The following KRTAP24-1 variants were observed in gnomAD, a reference collection of about 807,000 sequenced individuals.
KRTAP24-1 encodes keratin associated protein 24-1.
For missense variants in KRTAP24-1, 344 were observed against 303.2 expected (o/e 1.13, Z -1.00); for synonymous variants, 133 against 116.3 (o/e 1.14, Z -0.92).
Position 30,282,580 on chromosome 21 carries a change from C to T in KRTAP24-1, c.353G>A (p.Cys118Tyr), listed in dbSNP as rs1181948372. Reference protein sequence around the residue: ...ETTNVSPSPSCSPSTQTNGYV... With the variant: ...ETTNVSPSPSYSPSTQTNGYV... The stretch of plus-strand genomic sequence containing the variant: ...CCCATTGGTCTGGGTGCTTGGGCTG[C>T]AGCTGGGGCTGGGGCTGACGTTGGT... The change falls in exon 1 of 1, where the codon TGC becomes TAC. Residue 118 changes from cysteine to tyrosine, a missense_variant. Transcript: ENST00000340345. The T allele has an allele frequency of 6.3e-7, 1 of 1,593,530 alleles. No individual in the cohort carries two copies.
chr21:30,282,765 C>G lies in KRTAP24-1; in HGVS notation c.168G>C (p.Trp56Cys), dbSNP rs1383141211. 1 of 1,614,036 alleles carries G rather than the reference C, an allele frequency of 6.2e-7. No individual in the cohort carries two copies. The highest frequency in any genetic ancestry group is 1.1e-5 in the South Asian group (1 of 91,078). The change falls in exon 1 of 1, where the codon TGG becomes TGC. Residue 56 changes from tryptophan (W) to cysteine (C), a missense_variant. Coordinates refer to ENST00000340345, the MANE Select transcript of KRTAP24-1 (RefSeq NM_001085455.3). Reference protein sequence around the residue: ...CLPSSYQGNLWLLDYCQESYG... With the variant: ...CLPSSYQGNLCLLDYCQESYG... Reference sequence around the variant, plus strand: ...AGGATTCTTGGCAGTAATCCAGGAGCCAGAGATTTCCTTGGTAGCTACTGG... The same window carrying G: ...AGGATTCTTGGCAGTAATCCAGGAGGCAGAGATTTCCTTGGTAGCTACTGG...
chr21:30,282,944 G>T lies in KRTAP24-1; in HGVS notation c.-12C>A, dbSNP rs370788106. ...GAGCCTGCAGGCATGCTCAGTGGTC[G>T]CTGTGCAGTGTGTCTGTGGCCTAAG... On this transcript the variant is annotated 5_prime_UTR_variant, in exon 1 of 1. Coordinates refer to ENST00000340345, the MANE Select transcript of KRTAP24-1 (RefSeq NM_001085455.3). The T allele has an allele frequency of 1.3e-6, 2 of 1,595,222 alleles. No individual in the cohort carries two copies. The highest frequency in any genetic ancestry group is 8.5e-7 in the Non-Finnish European group (1 of 1,170,280).
In KRTAP24-1 at chr21:30,282,571, C is replaced by T. The variant is rs370290084; in HGVS notation, c.362G>A (p.Ser121Asn). The change falls in exon 1 of 1, where the codon AGC becomes AAC. Residue 121 changes from serine to asparagine, a missense_variant. Transcript: ENST00000340345. Reference protein sequence around the residue: ...NVSPSPSCSPSTQTNGYVCNC... With the variant: ...NVSPSPSCSPNTQTNGYVCNC... Reference sequence around the variant, plus strand: ...GCATACATACCCATTGGTCTGGGTGCTTGGGCTGCAGCTGGGGCTGGGGCT... The same window carrying T: ...GCATACATACCCATTGGTCTGGGTGTTTGGGCTGCAGCTGGGGCTGGGGCT... 6.3e-7 allele frequency: 1 copy of T among 1,596,654 alleles called. No homozygotes were observed. Among genetic ancestry groups the T allele is most frequent in the Non-Finnish European group, 8.5e-7 (1 of 1,171,278 alleles).
At position 30,282,392 on chromosome 21, in the gene KRTAP24-1, G is replaced by C. The variant is rs1184497452; in HGVS notation, c.541C>G (p.Pro181Ala). ...STLGYKSYQNPCFIPSYVSPL... is the reference protein window; with the variant it reads ...STLGYKSYQNACFIPSYVSPL... Reference sequence around the variant, plus strand: ...GAGACGTAGCTGGGTATGAAGCAAGGATTTTGGTAGCTTTTATACCCCAAA... The same window carrying C: ...GAGACGTAGCTGGGTATGAAGCAAGCATTTTGGTAGCTTTTATACCCCAAA... Residue 181 changes from proline to alanine, a missense_variant, in exon 1 of 1, where the codon CCT (proline) becomes GCT (alanine). Pro to Ala is a conservative substitution (Grantham distance 27). Coordinates refer to ENST00000340345, the MANE Select transcript of KRTAP24-1 (RefSeq NM_001085455.3). The C allele has an allele frequency of 6.2e-7, 1 of 1,614,148 alleles. No homozygotes were observed. The highest frequency in any genetic ancestry group is 1.1e-5 in the South Asian group (1 of 91,088).
Position 30,282,599 on chromosome 21 carries a change from C to G in KRTAP24-1, c.334G>C (p.Val112Leu). Reference sequence around the variant, plus strand: ...GGGCTGCAGCTGGGGCTGGGGCTGACGTTGGTAGTTTCACAGACACTGAAG... The same window carrying G: ...GGGCTGCAGCTGGGGCTGGGGCTGAGGTTGGTAGTTTCACAGACACTGAAG... The part of the protein sequence containing the change: ...QVFSVCETTN[V>L]SPSPSCSPST... The change falls in exon 1 of 1, where the codon GTC becomes CTC. Residue 112 changes from valine to leucine, a missense_variant. Physicochemically the swap from Val to Leu is conservative, Grantham distance 32. Transcript: ENST00000340345. The G allele has an allele frequency of 5.0e-6, 8 of 1,588,650 alleles. No homozygotes were observed. Among genetic ancestry groups the G allele is most frequent in the Non-Finnish European group, 6.9e-6 (8 of 1,167,698 alleles).
chr21:30,282,309 A>G lies in KRTAP24-1; in HGVS notation c.624T>C (p.Tyr208=). The change falls in exon 1 of 1, where the codon TAT becomes TAC. Residue 208 remains tyrosine (Y), a synonymous_variant. Coordinates refer to ENST00000340345, the MANE Select transcript of KRTAP24-1 (RefSeq NM_001085455.3). ...TCGTAGGCCTGTAGCTTGAATAGTG[A>G]TAATTTCTCACTAAATAGCTTTGGG... ...CQPQSYLVRN[Y]HYSSYRPTSC... is the part of the protein sequence containing the mutation. 6.2e-7 allele frequency: 1 copy of G among 1,614,124 alleles called. No homozygotes were observed. Among genetic ancestry groups the G allele is most frequent in the Non-Finnish European group, 8.5e-7 (1 of 1,180,002 alleles).
Position 30,282,094 on chromosome 21 carries a change from A to T in KRTAP24-1, c.*74T>A. On this transcript the variant is annotated 3_prime_UTR_variant, in exon 1 of 1. Coordinates refer to ENST00000340345, the MANE Select transcript of KRTAP24-1 (RefSeq NM_001085455.3). ...GGCTGAATAAAGAGATTCAGCAGAA[A>T]ATTAGACGTTCTAGTACTTAGTAGA... The T allele has an allele frequency of 7.2e-7, 1 of 1,393,170 alleles. No individual in the cohort carries two copies. The highest frequency in any genetic ancestry group is 9.7e-7 in the Non-Finnish European group (1 of 1,031,618). The allele number at this position is 1,393,170 out of a possible 1,614,324, so 86.3% of individuals were successfully genotyped here. A position where few individuals can be genotyped will look rare whatever the true frequency, so the allele number is the denominator to read the frequency against.
chr21:30,282,106 T>C lies in KRTAP24-1; in HGVS notation c.*62A>G. The C allele has an allele frequency of 6.8e-7, 1 of 1,470,866 alleles. No homozygotes were observed. The highest frequency in any genetic ancestry group is 9.2e-7 in the Non-Finnish European group (1 of 1,088,832). 91.1% of individuals were successfully genotyped at this position (1,470,866 alleles called of 1,614,324 possible). A position where few individuals can be genotyped will look rare whatever the true frequency, so the allele number is the denominator to read the frequency against. ...AGATTCAGCAGAAAATTAGACGTTCTAGTACTTAGTAGAATCTTCCCCATT... is the reference window on the plus strand; with the variant it reads ...AGATTCAGCAGAAAATTAGACGTTCCAGTACTTAGTAGAATCTTCCCCATT... On this transcript the variant is annotated 3_prime_UTR_variant, in exon 1 of 1. Transcript: ENST00000340345.
chr21:30,282,672 G>A lies in KRTAP24-1; in HGVS notation c.261C>T (p.Asp87=), dbSNP rs759412793. The change falls in exon 1 of 1, where the codon GAC becomes GAT. Residue 87 remains aspartate, a synonymous_variant. Coordinates refer to ENST00000340345, the MANE Select transcript of KRTAP24-1 (RefSeq NM_001085455.3). ...EPKTCSTTGC[D]PSNSSVPCNS... ...TGCAGGGCACAGAGGAGTTTGACGG[G>A]TCACAACCAGTGGTACTGCAGGTCT... The A allele has an allele frequency of 6.2e-7, 1 of 1,607,432 alleles. No individual in the cohort carries two copies. The highest frequency in any genetic ancestry group is 1.3e-5 in the African/African-American group (1 of 74,846).
Position 30,282,160 on chromosome 21 carries a change from G to A in KRTAP24-1, c.*8C>T, listed in dbSNP as rs768932940. The A allele has an allele frequency of 2.5e-6, 4 of 1,599,296 alleles. No individual in the cohort carries two copies. The highest frequency in any genetic ancestry group is 1.1e-5 in the South Asian group (1 of 89,788). Reference sequence around the variant, plus strand: ...CAATTTCCAGCTGCTATAAATTCTGGAAGTTGGTCAATAGCATTTCAGAGG... The same window carrying A: ...CAATTTCCAGCTGCTATAAATTCTGAAAGTTGGTCAATAGCATTTCAGAGG... On this transcript the variant is annotated 3_prime_UTR_variant, in exon 1 of 1. Coordinates refer to ENST00000340345, the MANE Select transcript of KRTAP24-1 (RefSeq NM_001085455.3).
At position 30,282,311 on chromosome 21, in the gene KRTAP24-1, A is replaced by C. The variant is rs529683700; in HGVS notation, c.622T>G (p.Tyr208Asp). The C allele has an allele frequency of 1.2e-6, 2 of 1,613,996 alleles. No individual in the cohort carries two copies. The highest frequency in any genetic ancestry group is 1.3e-5 in the African/African-American group (1 of 75,004). ...CQPQSYLVRN[Y>D]HYSSYRPTSC... ...GTAGGCCTGTAGCTTGAATAGTGAT[A>C]ATTTCTCACTAAATAGCTTTGGGGT... is the stretch of plus-strand genomic sequence containing the variant. Residue 208 changes from tyrosine to aspartate, a missense_variant, in exon 1 of 1, where the codon TAT becomes GAT. By Grantham distance (160) the Tyr-to-Asp change is radical (BLOSUM62 -3). Coordinates refer to ENST00000340345, the MANE Select transcript of KRTAP24-1 (RefSeq NM_001085455.3).
In KRTAP24-1 at chr21:30,282,672, G is replaced by C; in HGVS notation, c.261C>G (p.Asp87Glu). 3 of 1,607,550 alleles carry C rather than the reference G, an allele frequency of 1.9e-6. No individual in the cohort carries two copies. Among genetic ancestry groups the C allele is most frequent in the Non-Finnish European group, 2.5e-6 (3 of 1,176,884 alleles). The stretch of plus-strand genomic sequence containing the variant: ...TGCAGGGCACAGAGGAGTTTGACGG[G>C]TCACAACCAGTGGTACTGCAGGTCT... The part of the protein sequence containing the change: ...EPKTCSTTGC[D>E]PSNSSVPCNS... The change falls in exon 1 of 1, where the codon GAC (aspartate) becomes GAG (glutamate). Residue 87 changes from aspartate to glutamate, a missense_variant. Coordinates refer to ENST00000340345, the MANE Select transcript of KRTAP24-1 (RefSeq NM_001085455.3).
chr21:30,281,835 A>T lies in KRTAP24-1; in HGVS notation c.*333T>A, dbSNP rs117273560. The T allele has an allele frequency of 0.015, 3,417 of 224,386 alleles. 39 individuals are homozygous for T. The highest frequency in any genetic ancestry group is 0.037 in the Admixed American group (714 of 19,464). 13.9% of individuals were successfully genotyped at this position (224,386 alleles called of 1,614,324 possible). A position where few individuals can be genotyped will look rare whatever the true frequency, so the allele number is the denominator to read the frequency against. Reference sequence around the variant, plus strand: ...AGGTAGGTGATAATCACACTGTCAGACAAGTGACAGTGACAGCCAAAGTAA... The same window carrying T: ...AGGTAGGTGATAATCACACTGTCAGTCAAGTGACAGTGACAGCCAAAGTAA... On this transcript the variant is annotated 3_prime_UTR_variant, in exon 1 of 1. Coordinates refer to ENST00000340345, the MANE Select transcript of KRTAP24-1 (RefSeq NM_001085455.3).
In KRTAP24-1 at chr21:30,282,420, A is replaced by G. The variant is rs768298190; in HGVS notation, c.513T>C (p.Ser171=). 19 of 1,614,008 alleles carry G rather than the reference A, an allele frequency of 1.2e-5. No individual in the cohort carries two copies. Among genetic ancestry groups the G allele is most frequent in the Non-Finnish European group, 1.6e-5 (19 of 1,180,026 alleles). The change falls in exon 1 of 1, where the codon AGT becomes AGC. Residue 171 remains serine (S), a synonymous_variant. Transcript: ENST00000340345. The part of the protein sequence containing the change: ...SFQTLNHCRL[S]TLGYKSYQNP... ...TTTGGTAGCTTTTATACCCCAAAGT[A>G]CTCAATCTGCAGTGGTTTAGAGTTT...
chr21:30,282,294 G>A lies in KRTAP24-1; in HGVS notation c.639C>T (p.Tyr213=), dbSNP rs752330883. 12 of 1,613,994 alleles carry A rather than the reference G, an allele frequency of 7.4e-6. No homozygotes were observed. The highest frequency in any genetic ancestry group is 1.0e-5 in the Non-Finnish European group (12 of 1,180,020). The stretch of plus-strand genomic sequence containing the variant: ...TCAGTGGTCGGCAGCTCGTAGGCCT[G>A]TAGCTTGAATAGTGATAATTTCTCA... ...YLVRNYHYSS[Y]RPTSCRPLSY... Residue 213 remains tyrosine, a synonymous_variant, in exon 1 of 1, where the codon TAC becomes TAT. Transcript: ENST00000340345.
Position 30,281,944 on chromosome 21 carries a change from C to T in KRTAP24-1, c.*224G>A. On this transcript the variant is annotated 3_prime_UTR_variant, in exon 1 of 1. Coordinates refer to ENST00000340345, the MANE Select transcript of KRTAP24-1 (RefSeq NM_001085455.3). ...ATCTCAGAAATAATGATGTTACCTT[C>T]AGGGTCAGCTTTTAGTACAAAGAGC... 1 of 506,930 alleles carries T rather than the reference C, an allele frequency of 2.0e-6. No homozygotes were observed. Among genetic ancestry groups the T allele is most frequent in the East Asian group, 3.1e-5 (1 of 31,798 alleles). The allele number at this position is 506,930 out of a possible 1,614,324, so 31.4% of individuals were successfully genotyped here. A position where few individuals can be genotyped will look rare whatever the true frequency, so the allele number is the denominator to read the frequency against.
rs767205275 is a variant in KRTAP24-1, at chr21:30,282,223, G to T, written c.710C>A (p.Thr237Asn). The change falls in exon 1 of 1, where the codon ACC (threonine) becomes AAC (asparagine). Residue 237 changes from threonine to asparagine, a missense_variant. Physicochemically the swap from Thr to Asn is moderately conservative, Grantham distance 65. Coordinates refer to ENST00000340345, the MANE Select transcript of KRTAP24-1 (RefSeq NM_001085455.3). ...GCACAAATACCTCAGAGGTGGAAAG[G>T]TACTGGGTATATAGCTCAGAGATCT... ...SFRSLSYIPSTFPPLRYLCSG... is the reference protein window; with the variant it reads ...SFRSLSYIPSNFPPLRYLCSG... 38 of 1,613,866 alleles carry T rather than the reference G, an allele frequency of 2.4e-5. No individual in the cohort carries two copies. In the South Asian group the frequency reaches 4.1e-4, roughly 17 times the overall value.
Position 30,281,666 on chromosome 21 carries a change from G to A in KRTAP24-1, c.*502C>T, listed in dbSNP as rs1317535298. ...AGGATGAAATAGTTCAACTTATTAT[G>A]CTCAAGATAGTGTTTTCTATCGGCT... On this transcript the variant is annotated 3_prime_UTR_variant, in exon 1 of 1. Transcript: ENST00000340345. 1.3e-5 allele frequency: 2 copies of A among 154,826 alleles called. No homozygotes were observed. Among genetic ancestry groups the A allele is most frequent in the Non-Finnish European group, 2.9e-5 (2 of 69,878 alleles). The allele number at this position is 154,826 out of a possible 1,614,324, so 9.6% of individuals were successfully genotyped here. A position where few individuals can be genotyped will look rare whatever the true frequency, so the allele number is the denominator to read the frequency against.
At position 30,282,521 on chromosome 21, in the gene KRTAP24-1, C is replaced by A. The variant is rs1481078581; in HGVS notation, c.412G>T (p.Ala138Ser). The A allele has an allele frequency of 6.2e-7, 1 of 1,612,856 alleles. No homozygotes were observed. Among genetic ancestry groups the A allele is most frequent in the Non-Finnish European group, 8.5e-7 (1 of 1,179,368 alleles). Reference sequence around the variant, plus strand: ...CGGAGGGTTTGGCAGGCTTTGGATGCATTTCGAGTGGGTATGTGGCAATTG... The same window carrying A: ...CGGAGGGTTTGGCAGGCTTTGGATGAATTTCGAGTGGGTATGTGGCAATTG... ...VCNCHIPTRNASKACQTLRNG... is the reference protein window; with the variant it reads ...VCNCHIPTRNSSKACQTLRNG... The change falls in exon 1 of 1, where the codon GCA (alanine) becomes TCA (serine). Residue 138 changes from alanine (A) to serine (S), a missense_variant. Coordinates refer to ENST00000340345, the MANE Select transcript of KRTAP24-1 (RefSeq NM_001085455.3).
Sources: allele counts gnomAD v4.1 joint callset, GRCh38; gene constraint gnomAD v4.1.1; transcripts MANE v1.5; gene names NCBI Gene and HGNC (gene_info 2026-07-23, HGNC 2026-07-21).